Variants in WDR12 observed in about 807,000 individuals in gnomAD.
The protein encoded by WDR12 is WD repeat domain 12, also known as ribosome biogenesis protein WDR12.
In WDR12, 42 loss-of-function variants were observed where a neutral mutation model predicts 64.3. The ratio of observed to expected loss-of-function variants is 0.65; its 90% confidence interval spans 0.51 to 0.84. The LOEUF is 0.84. Ranked by LOEUF, WDR12 falls within the 40% of genes least tolerant of loss-of-function variation. WDR12 has a pLI of 0.00. For synonymous variants in WDR12, 158 were observed against 173.3 expected (o/e 0.91, Z 0.70); for missense variants, 469 against 494.6 (o/e 0.95, Z 0.49).
Position 202,880,644 on chromosome 2 carries a change from T to C in WDR12, c.*216A>G, listed in dbSNP as rs958107231. The C allele has an allele frequency of 1.3e-5, 4 of 305,532 alleles. No homozygotes were observed. The highest frequency in any genetic ancestry group is 2.4e-5 in the Non-Finnish European group (4 of 164,888). 18.9% of individuals were successfully genotyped at this position (305,532 alleles called of 1,614,324 possible). ...AAAACTCAGTTTAATTTCAAGTTTG[T>C]ATAGAGAATGTATGCCACAGTTTGT... On this transcript the variant is annotated 3_prime_UTR_variant, in exon 13 of 13. Transcript: ENST00000261015.
chr2:202,896,329 T>C, intron 5 of WDR12, 110 bp from the exon 6 acceptor site: 1 of 1,226,480 alleles, frequency 8.2e-7, no homozygotes, highest in South Asian at 1.7e-5. Flanking sequence ...AAAAAGATGT[T>C]AAAAAGATAA....
At chr2:202,908,782 C>T (rs879481224) in intron 1 of WDR12, among the ~76,000 whole-genome samples, 4 of 152,164 alleles carry the variant, frequency 2.6e-5, no homozygotes, top group Admixed American at 2.6e-4. Flanking sequence ...GAACACATGA[C>T]AGGAGGCAGA....
rs564644511 is a variant in WDR12 at position 202,884,165 on chromosome 2, A to G, written c.988+33T>C. ...GAGATGAGAAATAGATGTTATTCAC[A>G]CATATATTCCCCCAGTGGTTTACAT... On this transcript the variant is annotated intron_variant, in intron 10 of 12. Coordinates refer to ENST00000261015, the MANE Select transcript of WDR12 (RefSeq NM_018256.4). The G allele has an allele frequency of 2.8e-5, 45 of 1,584,308 alleles. No homozygotes were observed. In the African/African-American group the frequency reaches 4.7e-4, roughly 17 times the overall value.
intron 8 of WDR12, among the ~76,000 whole-genome samples, chr2:202,887,953 T>G (rs1411894832): frequency 2.0e-5 from 3 of 151,016 alleles, no homozygotes; most frequent in African/African-American, 7.3e-5. Flanking sequence ...ACTTATCATA[T>G]GAATAAGCTA....
chr2:202,884,605 A>G, intron 8 of WDR12, 70 bp from the exon 9 acceptor site: 2 of 1,474,736 alleles, frequency 1.4e-6, no homozygotes, highest in Non-Finnish European at 1.8e-6. Flanking sequence ...AATAGTACTT[A>G]TTACTTACAA....
chr2:202,908,422 T>C (rs533234556), intron 1 of WDR12, among the ~76,000 whole-genome samples: 1 of 152,214 alleles, frequency 6.6e-6, no homozygotes, highest in Non-Finnish European at 1.5e-5. Context: ...ACCACTGCAC[T>C]GCACTCCAGC....
chr2:202,896,267 T>G (rs773428313), intron 5 of WDR12, 48 bp from the exon 6 acceptor site: 25 of 1,561,490 alleles, frequency 1.6e-5, no homozygotes, highest in Non-Finnish European at 2.2e-5. Context: ...GTATACCATT[T>G]AGAATACATC....
At chr2:202,893,478 T>C (rs181400925) in intron 7 of WDR12, among the ~76,000 whole-genome samples, 189 of 152,294 alleles carry the variant, frequency 1.2e-3, no homozygotes, top group Non-Finnish European at 2.2e-3. Context: ...AATCACTTTT[T>C]GCCACCAAAT....
chr2:202,899,496 AC>A (rs1161232036), intron 4 of WDR12, 34 bp downstream of exon 4: 3 of 1,584,436 alleles, frequency 1.9e-6, no homozygotes, highest in Admixed American at 1.8e-5. Flanking sequence ...TAAAAACAAA[AC>A]AAAAAAAAGA....
chr2:202,882,058 C>A (rs1479927341), intron 12 of WDR12, among the ~76,000 whole-genome samples: 4 of 151,870 alleles, frequency 2.6e-5, no homozygotes, highest in African/African-American at 9.7e-5. Context: ...GCTTCAGGCT[C>A]AAGTAGGCTC....
rs1247690272 is a variant in WDR12 at position 202,894,634 on chromosome 2, G to A, written c.610-8C>T. ...CCAGGAGCCACTGCAAAACTAAACA[G>A]ATGTATATGAAGGGAAAAGACATAT... On this transcript the variant is annotated splice_region_variant and splice_polypyrimidine_tract_variant and intron_variant, in intron 6 of 12. Transcript: ENST00000261015. The A allele has an allele frequency of 1.2e-6, 2 of 1,604,564 alleles. No individual in the cohort carries two copies. Among genetic ancestry groups the A allele is most frequent in the African/African-American group, 2.7e-5 (2 of 74,494 alleles).
chr2:202,911,515 G>C lies in WDR12; in HGVS notation c.-39C>G. ...CACGACTTGCCCACGGAAACGTACG[G>C]GTTAGCAGACCCACAACACGAAGCT... On this transcript the variant is annotated 5_prime_UTR_variant, in exon 1 of 13. Transcript: ENST00000261015. The C allele has an allele frequency of 6.2e-7, 1 of 1,606,362 alleles. No homozygotes were observed. The highest frequency in any genetic ancestry group is 8.5e-7 in the Non-Finnish European group (1 of 1,172,934).
At position 202,876,230 on chromosome 2, in the gene WDR12, A is replaced by T. The variant is rs543361884; in HGVS notation, c.*4630T>A. 1.6e-4 allele frequency: 25 copies of T among 152,300 alleles called. No individual in the cohort carries two copies. Among genetic ancestry groups the T allele is most frequent in the African/African-American group, 5.5e-4 (23 of 41,546 alleles). 9.4% of individuals were successfully genotyped at this position (152,300 alleles called of 1,614,324 possible). ...ATAGCAAGACGCCATCTCCACAAAA[A>T]TAAAAAAAATAGCTGGGTGTGGCAG... is the stretch of plus-strand genomic sequence containing the variant. On this transcript the variant is annotated 3_prime_UTR_variant, in exon 13 of 13. Coordinates refer to ENST00000261015, the MANE Select transcript of WDR12 (RefSeq NM_018256.4).
intron 4 of WDR12, 87 bp downstream of exon 4, chr2:202,899,444 C>A: frequency 8.8e-7 from 1 of 1,132,826 alleles, no homozygotes; most frequent in East Asian, 2.5e-5. Context: ...CATTAAATCA[C>A]AGAAAAATAT....
intron 2 of WDR12, among the ~76,000 whole-genome samples, chr2:202,902,036 C>T (rs1321100551): frequency 1.3e-5 from 2 of 152,122 alleles, no homozygotes; most frequent in African/African-American, 2.4e-5. Context: ...ACCTAATTAT[C>T]GGGATTAACA....
At chr2:202,903,604 T>C (rs540835080) in intron 2 of WDR12, among the ~76,000 whole-genome samples, 1 of 152,206 alleles carries the variant, frequency 6.6e-6, no homozygotes, top group East Asian at 1.9e-4. Context: ...TTTGGAAAAA[T>C]CAATGATATA....
chr2:202,905,664 T>C (rs1468230881), intron 2 of WDR12, among the ~76,000 whole-genome samples: 2 of 152,162 alleles, frequency 1.3e-5, no homozygotes, highest in Non-Finnish European at 2.9e-5. Flanking sequence ...TCAATACTTC[T>C]ACACAATGGA....
intron 4 of WDR12, among the ~76,000 whole-genome samples, chr2:202,898,449 T>G (rs1688291804): frequency 6.6e-6 from 1 of 152,174 alleles, no homozygotes; most frequent in African/African-American, 2.4e-5. Context: ...CGCGCCTGGC[T>G]GTCCACCTGA....
intron 3 of WDR12, 93 bp from the exon 4 acceptor site, chr2:202,899,730 T>C: frequency 9.0e-7 from 1 of 1,109,330 alleles, no homozygotes; most frequent in Admixed American, 2.0e-5. Context: ...ATCTCCTTTA[T>C]ATCCTTCATA....
Sources: gnomAD v4.1 joint callset for allele counts (sites outside exome capture counted in the v4.1 genomes callset) on GRCh38, gnomAD v4.1.1 for gene constraint, MANE v1.5 for transcripts, NCBI Gene and HGNC (gene_info 2026-07-23, HGNC 2026-07-21) for gene names.